The following KAZN variants were observed in gnomAD, a reference collection of about 807,000 sequenced individuals.
KAZN encodes kazrin, periplakin interacting protein.
Under a neutral mutation model 87.4 loss-of-function variants are expected in KAZN, and 40 were observed. That is an observed-to-expected ratio of 0.46 (90% CI 0.36 to 0.60). The LOEUF is 0.60. Among genes scored for constraint, KAZN ranks in the 20% least tolerant of loss-of-function variants. KAZN has a pLI of 0.00. For missense variants in KAZN, 898 were observed against 1,073.9 expected (o/e 0.84, Z 2.29); for synonymous variants, 466 against 458.3 (o/e 1.02, Z -0.22).
At chr1:14,556,355 C>T (rs575823469) in intron 2 of KAZN, among the ~76,000 whole-genome samples, 23 of 152,198 alleles carry the variant, frequency 1.5e-4, no homozygotes, top group East Asian at 3.9e-4. Flanking sequence ...GTGATCCACA[C>T]GCCTCGGCCA....
At position 14,913,412 on chromosome 1, in the gene KAZN, G is replaced by A. The variant is rs146563896; in HGVS notation, c.227-47272G>A. ...GGGGGAAGATGCCAGTCCTTCCTAC[G>A]TATCTGTTCAACAAATCTGCCTCCC... On this transcript the variant is annotated intron_variant, in intron 1 of 14. Coordinates refer to ENST00000376030, the MANE Select transcript of KAZN (RefSeq NM_201628.3). 2.2e-3 allele frequency among the ~76,000 whole-genome samples: 341 copies of A among 152,250 alleles called. 2 individuals carry two copies. Among genetic ancestry groups the A allele is most frequent in the African/African-American group, 7.3e-3 (305 of 41,542 alleles).
intron 1 of KAZN, among the ~76,000 whole-genome samples, chr1:14,750,983 G>C (rs990351831): frequency 4.6e-5 from 7 of 152,174 alleles, no homozygotes; most frequent in Admixed American, 3.3e-4. Context: ...GCTCAGAGTG[G>C]GAGATGGAGA....
At chr1:14,237,820 G>A (rs1214500784) in intron 2 of KAZN, among the ~76,000 whole-genome samples, 3 of 152,126 alleles carry the variant, frequency 2.0e-5, no homozygotes, top group African/African-American at 7.2e-5. Flanking sequence ...GAACAGAAAC[G>A]ACAAGGTCCA....
At chr1:14,647,053 C>T (rs1304601674) in intron 1 of KAZN, among the ~76,000 whole-genome samples, 1 of 152,192 alleles carries the variant, frequency 6.6e-6, no homozygotes, top group Non-Finnish European at 1.5e-5. Context: ...CGAGTCCAGG[C>T]AGTTATTGGT....
intron 2 of KAZN, among the ~76,000 whole-genome samples, chr1:14,505,516 C>T (rs1283083369): frequency 6.6e-6 from 1 of 152,114 alleles, no homozygotes; most frequent in African/African-American, 2.4e-5. Flanking sequence ...ATAAACCAGA[C>T]ACAAAAGGAC....
intron 2 of KAZN, among the ~76,000 whole-genome samples, chr1:14,461,479 A>G (rs1490416965): frequency 6.6e-6 from 1 of 152,152 alleles, no homozygotes; most frequent in African/African-American, 2.4e-5. Flanking sequence ...ATGATTGTGA[A>G]GCCTCCCCAG....
chr1:14,592,409 C>T (rs553940549), intron 2 of KAZN, among the ~76,000 whole-genome samples: 5 of 152,132 alleles, frequency 3.3e-5, no homozygotes, highest in East Asian at 1.9e-4. Context: ...GTGTCTGGAC[C>T]GGTGAGTCTC....
At chr1:14,914,630 C>A (rs1346164907) in intron 1 of KAZN, among the ~76,000 whole-genome samples, 1 of 152,202 alleles carries the variant, frequency 6.6e-6, no homozygotes, top group Non-Finnish European at 1.5e-5. Context: ...CTAGCCTGCT[C>A]TTTGGGATCA....
Position 15,081,187 on chromosome 1 carries a change from C to T in KAZN, c.1223-12993C>T, listed in dbSNP as rs1037693554. ...CTTCTTTTACTCAATACTTAGAGGG[C>T]TCATTCAATTGCAGGCAGTGCTGGG... On this transcript the variant is annotated intron_variant, in intron 8 of 14. Coordinates refer to ENST00000376030, the MANE Select transcript of KAZN (RefSeq NM_201628.3). The surrounding 1 kb of genome is among the most constrained non-coding windows in gnomAD (Gnocchi z 4.1). 6.6e-6 allele frequency among the ~76,000 whole-genome samples: 1 copy of T among 152,182 alleles called. No individual in the cohort carries two copies. Among genetic ancestry groups the T allele is most frequent in the South Asian group, 2.1e-4 (1 of 4,826 alleles).
chr1:15,087,432 G>A (rs115508798), intron 8 of KAZN, among the ~76,000 whole-genome samples: 6,868 of 141,820 alleles, frequency 0.048, 201 homozygotes, highest in Middle Eastern at 0.074. Flanking sequence ...TTACTCTTTC[G>A]CCCAGGCAGG....
chr1:14,395,126 G>A (rs1313426569), intron 2 of KAZN, among the ~76,000 whole-genome samples: 2 of 152,050 alleles, frequency 1.3e-5, no homozygotes, highest in Non-Finnish European at 2.9e-5. Flanking sequence ...GGAAGGAGAG[G>A]AGAGAGAATG....
At chr1:14,224,766 G>A (rs150981933) in intron 2 of KAZN, among the ~76,000 whole-genome samples, 31 of 152,208 alleles carry the variant, frequency 2.0e-4, no homozygotes, top group African/African-American at 6.5e-4. Flanking sequence ...TGCCTAGCTC[G>A]GTGGTTTTGG....
intron 1 of KAZN, among the ~76,000 whole-genome samples, chr1:14,096,081 C>T (rs7549481): frequency 0.031 from 4,785 of 152,160 alleles, 256 homozygotes; most frequent in African/African-American, 0.11. Flanking sequence ...CTACTAATAA[C>T]AGTGTTTATA....
At chr1:14,120,391 A>G (rs1322518784) in intron 1 of KAZN, among the ~76,000 whole-genome samples, 1 of 152,036 alleles carries the variant, frequency 6.6e-6, no homozygotes, top group Admixed American at 6.6e-5. Flanking sequence ...AACCACCCCC[A>G]CGATCAAATC....
At chr1:15,039,758 T>A (rs969897755) in intron 3 of KAZN, among the ~76,000 whole-genome samples, 1 of 152,178 alleles carries the variant, frequency 6.6e-6, no homozygotes, top group Non-Finnish European at 1.5e-5. Flanking sequence ...CGTGTCATTT[T>A]TTAAGACATA....
chr1:14,776,119 C>T (rs1268804928), intron 1 of KAZN, among the ~76,000 whole-genome samples: 2 of 152,218 alleles, frequency 1.3e-5, no homozygotes, highest in African/African-American at 2.4e-5. Flanking sequence ...AAGCGATTCT[C>T]CTGCCTCAGC....
intron 2 of KAZN, among the ~76,000 whole-genome samples, chr1:14,426,327 C>T (rs1010292530): frequency 1.3e-5 from 2 of 152,224 alleles, no homozygotes; most frequent in African/African-American, 4.8e-5. Context: ...CCTTACCCTC[C>T]TTGCATTCCT....
At chr1:14,134,277 C>T (rs548800021) in intron 1 of KAZN, among the ~76,000 whole-genome samples, 1 of 152,286 alleles carries the variant, frequency 6.6e-6, no homozygotes, top group East Asian at 1.9e-4. Context: ...AAACCATCCA[C>T]TAGGTCAAAA....
intron 6 of KAZN, chr1:15,062,862 C>CT (rs2100544574): frequency 1.3e-5 from 2 of 152,334 alleles, no homozygotes; most frequent in South Asian, 4.1e-4. Context: ...GACCTGTCGT[C>CT]TGAGGCTCCC....
Sources: gnomAD v4.1 joint callset for allele counts (sites outside exome capture counted in the v4.1 genomes callset) on GRCh38, gnomAD v4.1.1 for gene constraint, Gnocchi (gnomAD v3.1) non-coding constraint, MANE v1.5 for transcripts, NCBI Gene and HGNC (gene_info 2026-07-23, HGNC 2026-07-21) for gene names.